Variants in TTC28 observed in about 807,000 individuals in gnomAD.
TTC28 encodes tetratricopeptide repeat domain 28, also known as tetratricopeptide repeat protein 28.
A neutral mutation model predicts 198.0 loss-of-function variants in TTC28; 61 were observed. The observed-to-expected ratio is 0.31, with a 90% confidence interval of 0.25 to 0.38. The LOEUF (loss-of-function observed/expected upper bound fraction) is 0.38, where lower values mean the gene tolerates loss of function less well. Ranked by LOEUF, TTC28 falls within the 10% of genes least tolerant of loss-of-function variation. The pLI, the probability that TTC28 is intolerant of heterozygous loss-of-function variation, is 1.00. For synonymous variants in TTC28, 1,171 were observed against 1,297.8 expected, an observed-to-expected ratio of 0.90 and a Z score of 2.10; for missense variants, 2,678 against 3,164.0, an observed-to-expected ratio of 0.85 and a Z score of 3.69.
chr22:28,349,904 G>A (rs1411115264), intron 2 of TTC28, among the ~76,000 whole-genome samples: 1 of 152,140 alleles, frequency 6.6e-6, no homozygotes, highest in African/African-American at 2.4e-5. Flanking sequence ...TTGTAACCCC[G>A]AGTGCCCAAC....
In TTC28 at chr22:28,030,348, C is replaced by A. The variant is rs1363808873; in HGVS notation, c.3951G>T (p.Glu1317Asp). Residue 1317 changes from glutamate to aspartate, a missense_variant, in exon 13 of 23, where the codon GAG (glutamate) becomes GAT (aspartate). Physicochemically the swap from Glu to Asp is conservative, Grantham distance 45. This residue lies in a region of TTC28 where 727 missense variants were observed against 861.9 expected (regional missense o/e 0.84). Transcript: ENST00000397906. ...TGATGTCTCCCGCTTCACTCTCTGTCTCACTGCTGGCACAGGCCCTGCAGG... is the reference window on the plus strand; with the variant it reads ...TGATGTCTCCCGCTTCACTCTCTGTATCACTGCTGGCACAGGCCCTGCAGG... ...SHYSRACASS[E>D]TESEAGDIMD... 1.3e-6 allele frequency: 2 copies of A among 1,551,788 alleles called. No individual in the cohort carries two copies. The highest frequency in any genetic ancestry group is 4.9e-5 in the East Asian group (2 of 40,936).
intron 2 of TTC28, among the ~76,000 whole-genome samples, chr22:28,598,662 A>G (rs1286774672): frequency 6.6e-6 from 1 of 152,208 alleles, no homozygotes; most frequent in Non-Finnish European, 1.5e-5. Context: ...TATGGCAACA[A>G]TTTATGTCAA....
intron 2 of TTC28, among the ~76,000 whole-genome samples, chr22:28,581,332 C>G (rs1449010320): frequency 1.3e-5 from 2 of 152,302 alleles, no homozygotes; most frequent in South Asian, 4.2e-4. Context: ...AAGAACCAAC[C>G]TCTTTTCTTT....
chr22:28,157,948 T>C (rs1321025120), intron 6 of TTC28, among the ~76,000 whole-genome samples: 2 of 151,902 alleles, frequency 1.3e-5, no homozygotes, highest in Non-Finnish European at 1.5e-5. Context: ...ATTTAGGACA[T>C]CCAAACTAAA....
At chr22:28,332,077 A>G (rs2045625157) in intron 2 of TTC28, among the ~76,000 whole-genome samples, 1 of 152,098 alleles carries the variant, frequency 6.6e-6, no homozygotes, top group African/African-American at 2.4e-5. Context: ...CTGATTCTGC[A>G]GCTTATCATT....
intron 5 of TTC28, among the ~76,000 whole-genome samples, chr22:28,231,493 T>C (rs1326915398): frequency 6.6e-6 from 1 of 152,234 alleles, no homozygotes; most frequent in Non-Finnish European, 1.5e-5. Flanking sequence ...TCTTTAACTC[T>C]TCTAATTCCT....
At chr22:28,310,295 A>C (rs1490340932) in intron 2 of TTC28, among the ~76,000 whole-genome samples, 1 of 152,338 alleles carries the variant, frequency 6.6e-6, no homozygotes, top group East Asian at 1.9e-4. Context: ...AATGCTGTAA[A>C]ATTTCAGAGG....
chr22:28,106,359 T>C (rs1411673308), intron 7 of TTC28, among the ~76,000 whole-genome samples: 2 of 152,180 alleles, frequency 1.3e-5, no homozygotes, highest in African/African-American at 4.8e-5. Context: ...ACAGTGTGTC[T>C]TTTTCTGCTG....
intron 1 of TTC28, among the ~76,000 whole-genome samples, chr22:28,646,800 G>A (rs914636503): frequency 1.1e-4 from 17 of 152,200 alleles, no homozygotes; most frequent in African/African-American, 4.1e-4. Context: ...GGAGGTGGAG[G>A]CTGCAGTAAG....
At chr22:28,264,995 T>A (rs1931588093) in intron 5 of TTC28, among the ~76,000 whole-genome samples, 1 of 152,146 alleles carries the variant, frequency 6.6e-6, no homozygotes, top group African/African-American at 2.4e-5. Context: ...AATTTCAATA[T>A]GAGAATCTAC....
At chr22:28,473,707 T>C (rs1177083509) in intron 2 of TTC28, among the ~76,000 whole-genome samples, 1 of 152,238 alleles carries the variant, frequency 6.6e-6, no homozygotes, top group Non-Finnish European at 1.5e-5. Context: ...TTGAATTCTT[T>C]CTTGGGCAAA....
intron 18 of TTC28, 138 bp downstream of exon 18, chr22:27,993,149 C>T: frequency 1.3e-6 from 1 of 747,200 alleles, no homozygotes; most frequent in Non-Finnish European, 2.1e-6. Context: ...TATCTGGGAC[C>T]CCCTGCCATT....
At chr22:28,386,645 A>C (rs950445204) in intron 2 of TTC28, among the ~76,000 whole-genome samples, 1 of 152,188 alleles carries the variant, frequency 6.6e-6, no homozygotes, top group Non-Finnish European at 1.5e-5. Flanking sequence ...AGCTTTAAAA[A>C]AATGCCTTGG....
intron 18 of TTC28, 128 bp from the exon 19 acceptor site, chr22:27,992,791 A>T (rs1601490591): frequency 1.2e-6 from 1 of 849,080 alleles, no homozygotes; most frequent in East Asian, 2.7e-5. Context: ...CAGCACAGCT[A>T]GACATGTGTG....
At chr22:28,149,881 G>A (rs537855609) in intron 6 of TTC28, among the ~76,000 whole-genome samples, 2 of 152,202 alleles carry the variant, frequency 1.3e-5, no homozygotes, top group South Asian at 2.1e-4. Context: ...TTGCTAAAAG[G>A]GTAGATTTTA....
rs1261766929 is a variant in TTC28 at position 28,675,938 on chromosome 22, T to C, written c.102+3684A>G. On this transcript the variant is annotated intron_variant, in intron 1 of 22. Transcript: ENST00000397906. ...CTTATCTACAAAAAATTTTTAAATA[T>C]TTGCCAGGTGTGGTGGCACGTGCCT... Among the ~76,000 whole-genome samples the C allele has an allele frequency of 1.3e-5, 2 of 152,002 alleles. 1 individual carries two copies. Among genetic ancestry groups the C allele is most frequent in the East Asian group, 3.9e-4 (2 of 5,178 alleles).
intron 1 of TTC28, among the ~76,000 whole-genome samples, chr22:28,644,705 C>T (rs771068536): frequency 9.2e-5 from 14 of 151,702 alleles, no homozygotes; most frequent in Non-Finnish European, 1.3e-4. Context: ...TGCCTGTAGT[C>T]CCAGCTACTT....
intron 6 of TTC28, among the ~76,000 whole-genome samples, chr22:28,132,771 G>C (rs1943089775): frequency 6.6e-6 from 1 of 152,120 alleles, no homozygotes. Context: ...TTACACAGCA[G>C]GTGCTACAAT....
intron 5 of TTC28, among the ~76,000 whole-genome samples, chr22:28,254,860 GC>G (rs996952479): frequency 6.6e-6 from 1 of 152,132 alleles, no homozygotes; most frequent in African/African-American, 2.4e-5. Flanking sequence ...CCCTGGAAAG[GC>G]CTGCCTCCTC....
Sources: gnomAD v4.1 joint callset for allele counts (sites outside exome capture counted in the v4.1 genomes callset) on GRCh38, gnomAD v4.1.1 for gene constraint, gnomAD v4.1.1 regional missense constraint, MANE v1.5 for transcripts, NCBI Gene and HGNC (gene_info 2026-07-23, HGNC 2026-07-21) for gene names.